COL25A1: variants seen among roughly 807,000 people sequenced by gnomAD.
COL25A1 encodes collagen type XXV alpha 1 chain.
Under a neutral mutation model 128.4 loss-of-function variants are expected in COL25A1, and 103 were observed. The observed-to-expected ratio is 0.80, with a 90% CI of 0.68 to 0.94. The LOEUF is 0.94. Ranked by LOEUF, COL25A1 falls within the 40% of genes least tolerant of loss-of-function variation. The pLI, the probability that COL25A1 is intolerant of heterozygous loss-of-function variation, is 0.00. For missense variants in COL25A1, 745 were observed against 840.0 expected, an observed-to-expected ratio of 0.89 and a Z score of 1.40; for synonymous variants, 279 against 277.2, an observed-to-expected ratio of 1.01 and a Z score of -0.06.
At chr4:109,260,133 T>C (rs962934915) in intron 3 of COL25A1, among the ~76,000 whole-genome samples, 3 of 152,204 alleles carry the variant, frequency 2.0e-5, no homozygotes, top group Non-Finnish European at 4.4e-5. Flanking sequence ...GCTGCCTCCA[T>C]TTTCTACATC....
intron 3 of COL25A1, among the ~76,000 whole-genome samples, chr4:109,186,673 C>T (rs138998179): frequency 2.9e-4 from 44 of 152,258 alleles, no homozygotes; most frequent in Admixed American, 8.5e-4. Context: ...GACAGGATCA[C>T]TACAAAAAGA....
intron 3 of COL25A1, among the ~76,000 whole-genome samples, chr4:109,275,977 G>A (rs934185908): frequency 3.9e-5 from 6 of 152,136 alleles, no homozygotes; most frequent in African/African-American, 1.4e-4. Context: ...CCATTATTCA[G>A]TGTTGAACTC....
chr4:108,980,358 G>A (rs1752851698), intron 6 of COL25A1, among the ~76,000 whole-genome samples: 1 of 152,178 alleles, frequency 6.6e-6, no homozygotes, highest in African/African-American at 2.4e-5. Flanking sequence ...ATTGGACATG[G>A]GGGCCACTGA....
At chr4:109,158,934 T>G (rs1052699563) in intron 3 of COL25A1, among the ~76,000 whole-genome samples, 8 of 152,150 alleles carry the variant, frequency 5.3e-5, no homozygotes, top group African/African-American at 1.9e-4. Context: ...CTTCCCTGAT[T>G]AATAAAGGCT....
chr4:108,907,411 G>T (rs1415716891), intron 13 of COL25A1, among the ~76,000 whole-genome samples: 1 of 152,164 alleles, frequency 6.6e-6, no homozygotes, highest in Non-Finnish European at 1.5e-5. Flanking sequence ...CAGGTGAGGG[G>T]CGAGAAGTAG....
At position 108,880,205 on chromosome 4, in the gene COL25A1, T is replaced by C. The variant is rs376221630; in HGVS notation, c.1020+3973A>G. On this transcript the variant is annotated intron_variant, in intron 19 of 37. Transcript: ENST00000399132. The stretch of plus-strand genomic sequence containing the variant: ...TACATGTCAAGGTTTGCTTTTACTT[T>C]TCCTGTGAACAGAACCAGGAAGAAG... Among the ~76,000 whole-genome samples the C allele has an allele frequency of 1.6e-4, 25 of 152,364 alleles. No individual in the cohort carries two copies. The East Asian group carries it at 2.7e-3, about 16-fold the overall frequency.
At chr4:109,246,184 C>T (rs1263276122) in intron 3 of COL25A1, among the ~76,000 whole-genome samples, 2 of 151,994 alleles carry the variant, frequency 1.3e-5, no homozygotes, top group African/African-American at 4.8e-5. Flanking sequence ...GAGTTTAAAA[C>T]AATGACGATT....
chr4:109,230,155 A>G (rs1431862369), intron 3 of COL25A1, among the ~76,000 whole-genome samples: 1 of 152,202 alleles, frequency 6.6e-6, no homozygotes, highest in Non-Finnish European at 1.5e-5. Flanking sequence ...AGGGATTACA[A>G]TTCAACATGG....
intron 6 of COL25A1, among the ~76,000 whole-genome samples, chr4:108,980,222 G>A (rs1267028370): frequency 6.6e-6 from 1 of 152,332 alleles, no homozygotes; most frequent in East Asian, 1.9e-4. Flanking sequence ...TTCTTAGGAA[G>A]TATTTGCCTT....
chr4:109,085,714 T>A (rs1263164172), intron 3 of COL25A1, among the ~76,000 whole-genome samples: 1 of 152,194 alleles, frequency 6.6e-6, no homozygotes, highest in East Asian at 1.9e-4. Flanking sequence ...CTCCTCCCTT[T>A]GGGGATTTGG....
chr4:108,860,330 G>A (rs986270732), intron 23 of COL25A1, among the ~76,000 whole-genome samples: 8 of 152,144 alleles, frequency 5.3e-5, no homozygotes, highest in African/African-American at 1.9e-4. Flanking sequence ...GACCTCAGGT[G>A]ATCCACCAGC....
intron 11 of COL25A1, among the ~76,000 whole-genome samples, chr4:108,935,878 T>C (rs1274761295): frequency 6.6e-6 from 1 of 152,130 alleles, no homozygotes; most frequent in African/African-American, 2.4e-5. Context: ...ATCCATTTTA[T>C]TTTAGAACAT....
At chr4:109,077,923 T>C (rs1372083571) in intron 3 of COL25A1, among the ~76,000 whole-genome samples, 2 of 152,166 alleles carry the variant, frequency 1.3e-5, no homozygotes, top group African/African-American at 4.8e-5. Context: ...GAAATATAGG[T>C]ATTCAATTCT....
In COL25A1 at chr4:108,918,230, T is replaced by C. The variant is rs763527538; in HGVS notation, c.736-14A>G. 6.3e-6 allele frequency: 10 copies of C among 1,579,910 alleles called. No individual in the cohort carries two copies. Among genetic ancestry groups the C allele is most frequent in the African/African-American group, 4.1e-5 (3 of 74,026 alleles). On this transcript the variant is annotated splice_polypyrimidine_tract_variant and intron_variant, in intron 12 of 37. Coordinates refer to ENST00000399132, the MANE Select transcript of COL25A1 (RefSeq NM_198721.4). ...TCCAATAGAACCCTAAAGAGACACA[T>C]GATTAAATTCAGTTGATATCATACA...
chr4:108,904,326 A>C (rs1743205249), intron 13 of COL25A1, among the ~76,000 whole-genome samples: 1 of 152,174 alleles, frequency 6.6e-6, no homozygotes, highest in Admixed American at 6.6e-5. Context: ...ACATATACAC[A>C]TATACATATA....
chr4:108,844,838 A>G (rs1734896854), intron 29 of COL25A1, among the ~76,000 whole-genome samples: 1 of 152,236 alleles, frequency 6.6e-6, no homozygotes, highest in Admixed American at 6.5e-5. Flanking sequence ...AAATGCTATA[A>G]TGTCACTACT....
rs773531597 is a variant in COL25A1, at chr4:109,112,502, G to GA, written c.368-62324dup. On this transcript the variant is annotated intron_variant, in intron 3 of 37. Coordinates refer to ENST00000399132, the MANE Select transcript of COL25A1 (RefSeq NM_198721.4). ...AAATATATGATTTTATAAAATATTAGAAAAAAAAAACAGTGTTTCTATTCT... is the reference window on the plus strand; with the variant it reads ...AAATATATGATTTTATAAAATATTAGAAAAAAAAAAACAGTGTTTCTATTCT... Among the ~76,000 whole-genome samples the GA allele has an allele frequency of 1.8e-3, 181 of 100,102 alleles. 1 individual carries two copies. The highest frequency in any genetic ancestry group is 4.0e-3 in the African/African-American group (140 of 35,020). The allele number at this position is 100,102 out of a possible 152,430, so 65.7% of individuals were successfully genotyped here. A position where few individuals can be genotyped will look rare whatever the true frequency, so the allele number is the denominator to read the frequency against.
intron 8 of COL25A1, among the ~76,000 whole-genome samples, chr4:108,945,454 T>G (rs1279017762): frequency 1.3e-5 from 2 of 152,180 alleles, no homozygotes; most frequent in Non-Finnish European, 2.9e-5. Context: ...ACAGAGGATA[T>G]AATTTTTATT....
At chr4:108,989,560 A>G (rs1005269588) in intron 6 of COL25A1, among the ~76,000 whole-genome samples, 3 of 152,210 alleles carry the variant, frequency 2.0e-5, no homozygotes, top group Admixed American at 1.3e-4. Context: ...TTGAATTACT[A>G]TGATCAATTC....
Sources: allele counts gnomAD v4.1 joint callset (sites outside exome capture counted in the v4.1 genomes callset), GRCh38; gene constraint gnomAD v4.1.1; transcripts MANE v1.5; gene names NCBI Gene and HGNC (gene_info 2026-07-23, HGNC 2026-07-21).